Variants in PTPRD observed in about 807,000 individuals in gnomAD.
PTPRD encodes receptor-type tyrosine-protein phosphatase delta.
A neutral mutation model predicts 214.5 loss-of-function variants in PTPRD; 34 were observed. The ratio of observed to expected loss-of-function variants is 0.16; its 90% CI spans 0.12 to 0.21. PTPRD has a LOEUF of 0.21. Among genes scored for constraint, PTPRD ranks in the 10% least tolerant of loss-of-function variants. The pLI is 1.00. For missense variants in PTPRD, 2,545 were observed against 2,398.7 expected (o/e 1.06, Z -1.27); for synonymous variants, 1,128 against 845.7 (o/e 1.33, Z -5.79).
At chr9:9,667,359 T>C (rs1197155792) in intron 7 of PTPRD, among the ~76,000 whole-genome samples, 2 of 152,116 alleles carry the variant, frequency 1.3e-5, no homozygotes, top group African/African-American at 4.8e-5. Flanking sequence ...GATGTTTTAA[T>C]TTTCTTATAG....
At chr9:8,910,230 G>C (rs1372252695) in intron 11 of PTPRD, among the ~76,000 whole-genome samples, 1 of 151,826 alleles carries the variant, frequency 6.6e-6, no homozygotes, top group African/African-American at 2.4e-5. Flanking sequence ...GTAGAGACGG[G>C]ATTTCACCGT....
intron 11 of PTPRD, among the ~76,000 whole-genome samples, chr9:8,809,514 A>G (rs2096757522): frequency 6.6e-6 from 1 of 152,190 alleles, no homozygotes; most frequent in African/African-American, 2.4e-5. Flanking sequence ...CACCTCCCTG[A>G]AATCTGTAAA....
At chr9:8,651,913 C>T (rs978478956) in intron 12 of PTPRD, among the ~76,000 whole-genome samples, 6 of 152,220 alleles carry the variant, frequency 3.9e-5, no homozygotes, top group Non-Finnish European at 8.8e-5. Flanking sequence ...AGTTGGATTA[C>T]TTTTCAAATA....
intron 5 of PTPRD, among the ~76,000 whole-genome samples, chr9:9,924,824 A>G (rs1309313925): frequency 6.6e-6 from 1 of 152,120 alleles, no homozygotes; most frequent in African/African-American, 2.4e-5. Context: ...TAGGCATACC[A>G]CATATCTCTA....
At chr9:9,450,822 C>G (rs1307118759) in intron 8 of PTPRD, among the ~76,000 whole-genome samples, 2 of 151,332 alleles carry the variant, frequency 1.3e-5, no homozygotes, top group Non-Finnish European at 3.0e-5. Flanking sequence ...TACTACCAAC[C>G]ATTTTTCACT....
intron 9 of PTPRD, among the ~76,000 whole-genome samples, chr9:9,288,743 T>C (rs1159913867): frequency 1.3e-5 from 2 of 151,920 alleles, no homozygotes; most frequent in Non-Finnish European, 2.9e-5. Context: ...CCTTGAATTG[T>C]AGTTCCCATA....
At chr9:8,320,206 G>C (rs1157302690) in intron 44 of PTPRD, among the ~76,000 whole-genome samples, 8 of 151,998 alleles carry the variant, frequency 5.3e-5, no homozygotes, top group African/African-American at 1.9e-4. Flanking sequence ...TTTCAATGGG[G>C]ATTTATACCA....
intron 4 of PTPRD, among the ~76,000 whole-genome samples, chr9:10,013,948 G>T (rs573249842): frequency 6.6e-6 from 1 of 151,930 alleles, no homozygotes; most frequent in East Asian, 1.9e-4. Context: ...AGCATTGAAT[G>T]AAACAAAGGA....
chr9:10,052,806 T>C (rs910674453), intron 3 of PTPRD, among the ~76,000 whole-genome samples: 1 of 152,170 alleles, frequency 6.6e-6, no homozygotes, highest in African/African-American at 2.4e-5. Context: ...TCTACTCTAC[T>C]CATTCTTTCT....
chr9:9,580,420 C>A (rs992370852), intron 7 of PTPRD, among the ~76,000 whole-genome samples: 3 of 151,908 alleles, frequency 2.0e-5, no homozygotes, highest in Admixed American at 6.6e-5. Context: ...GATGATATGA[C>A]ATTGTAATTT....
intron 6 of PTPRD, among the ~76,000 whole-genome samples, chr9:9,736,473 T>A (rs1157916302): frequency 6.6e-6 from 1 of 152,092 alleles, no homozygotes; most frequent in Non-Finnish European, 1.5e-5. Context: ...TTGGGGTTAT[T>A]AAGAATTACC....
chr9:9,581,141 A>G (rs1408690038), intron 7 of PTPRD, among the ~76,000 whole-genome samples: 2 of 152,180 alleles, frequency 1.3e-5, no homozygotes, highest in Non-Finnish European at 2.9e-5. Flanking sequence ...AATAGTAAAT[A>G]GATTAGAAAG....
At chr9:10,298,843 T>A (rs1483912497) in intron 3 of PTPRD, among the ~76,000 whole-genome samples, 5 of 152,094 alleles carry the variant, frequency 3.3e-5, no homozygotes, top group Non-Finnish European at 7.4e-5. Context: ...GCTTTGTATA[T>A]TTAAGCACTG....
chr9:8,379,308 G>T (rs1036788469), intron 37 of PTPRD, among the ~76,000 whole-genome samples: 1 of 152,100 alleles, frequency 6.6e-6, no homozygotes, highest in African/African-American at 2.4e-5. Context: ...AATAGTGACA[G>T]CAATACATTT....
At chr9:9,149,162 C>T (rs1038026890) in intron 10 of PTPRD, among the ~76,000 whole-genome samples, 2 of 152,142 alleles carry the variant, frequency 1.3e-5, no homozygotes, top group African/African-American at 4.8e-5. Context: ...AAAATTATCG[C>T]TCACCTCAGG....
Position 8,341,214 on chromosome 9 carries a change from A to T in PTPRD, c.5002T>A (p.Cys1668Ser). ...TSRFISANLP[C>S]NKFKNRLVNI... ...ACAAGGCGATTTTTGAATTTATTAC[A>T]TGGAAGATTGGCACTGATAAACCTT... The change falls in exon 41 of 46, where the codon TGT (cysteine) becomes AGT (serine). Residue 1668 changes from cysteine to serine, a missense_variant. Transcript: ENST00000381196. 1 of 1,613,040 alleles carries T rather than the reference A, an allele frequency of 6.2e-7. No homozygotes were observed. Among genetic ancestry groups the T allele is most frequent in the Non-Finnish European group, 8.5e-7 (1 of 1,179,428 alleles).
At chr9:10,174,175 C>T (rs1472877707) in intron 3 of PTPRD, among the ~76,000 whole-genome samples, 2 of 152,220 alleles carry the variant, frequency 1.3e-5, no homozygotes, top group East Asian at 3.9e-4. Flanking sequence ...GAATGTTTGT[C>T]CTGCTAAACC....
chr9:10,293,379 C>G (rs2095585204), intron 3 of PTPRD, among the ~76,000 whole-genome samples: 1 of 151,942 alleles, frequency 6.6e-6, no homozygotes, highest in Admixed American at 6.6e-5. Context: ...TAGAAATGGA[C>G]ATTGTTTCAA....
intron 5 of PTPRD, among the ~76,000 whole-genome samples, chr9:9,830,918 G>A (rs2054613637): frequency 6.6e-6 from 1 of 151,806 alleles, no homozygotes; most frequent in Non-Finnish European, 1.5e-5. Context: ...AACGTAAAAT[G>A]TATTGTAGGT....
Sources: gnomAD v4.1 joint callset for allele counts (sites outside exome capture counted in the v4.1 genomes callset) on GRCh38, gnomAD v4.1.1 for gene constraint, MANE v1.5 for transcripts, NCBI Gene and HGNC (gene_info 2026-07-23, HGNC 2026-07-21) for gene names.